TP73: variants seen among roughly 807,000 people sequenced by gnomAD.
TP73 encodes the protein p53-like transcription factor.
Under a neutral mutation model 62.5 loss-of-function variants are expected in TP73, and 25 were observed. The ratio of observed to expected loss-of-function variants is 0.40; its 90% confidence interval spans 0.29 to 0.56. The LOEUF is 0.56. TP73 is among the 20% of genes least tolerant of loss of function. The pLI is 0.46. For missense variants in TP73, 754 were observed against 913.3 expected (o/e 0.83, Z 2.25); for synonymous variants, 423 against 377.5 (o/e 1.12, Z -1.40).
intron 8 of TP73, 126 bp downstream of exon 8, chr1:3,727,896 C>G: frequency 7.3e-7 from 1 of 1,378,330 alleles, no homozygotes; most frequent in East Asian, 2.5e-5. Flanking sequence ...GCCCAGACTC[C>G]TCCCTGACGG....
chr1:3,687,456 T>C lies in TP73; in HGVS notation c.186+4276T>C, dbSNP rs892713862. 2.0e-5 allele frequency among the ~76,000 whole-genome samples: 3 copies of C among 151,566 alleles called. 1 individual carries two copies. The South Asian group carries it at 6.3e-4, about 32-fold the overall frequency. ...TGTGGGTGTGATGGTGGGGCGGGGGTCCTATCCTCACCCGGACCCACCCGA... is the reference window on the plus strand; with the variant it reads ...TGTGGGTGTGATGGTGGGGCGGGGGCCCTATCCTCACCCGGACCCACCCGA... On this transcript the variant is annotated intron_variant, in intron 3 of 13. Transcript: ENST00000378295.
intron 8 of TP73, 141 bp downstream of exon 8, chr1:3,727,911 TGA>T (rs1641809064): frequency 4.5e-6 from 6 of 1,338,760 alleles, no homozygotes; most frequent in Non-Finnish European, 5.9e-6. Flanking sequence ...TGACGGAGCC[TGA>T]GAGCAGCCCC....
At chr1:3,676,055 C>G in intron 1 of TP73, among the ~76,000 whole-genome samples, 1 of 149,012 alleles carries the variant, frequency 6.7e-6, no homozygotes, top group East Asian at 2.0e-4. Flanking sequence ...GGACTGGGGA[C>G]AGGGGACAAG....
intron 3 of TP73, among the ~76,000 whole-genome samples, chr1:3,704,745 G>A (rs1047669818): frequency 1.3e-5 from 2 of 152,152 alleles, no homozygotes; most frequent in Admixed American, 1.3e-4. Context: ...TCTGGGAGCC[G>A]GGGACTCTGG....
At position 3,673,669 on chromosome 1, in the gene TP73, C is replaced by T. The variant is rs78629702; in HGVS notation, c.-33-8664C>T. On this transcript the variant is annotated intron_variant, in intron 1 of 13. Coordinates refer to ENST00000378295, the MANE Select transcript of TP73 (RefSeq NM_005427.4). ...CCCGGCAGTGCTGGGCTTCAGGGCACGAAGCGGTGGGGCAGGAATCATGTG... is the reference window on the plus strand; with the variant it reads ...CCCGGCAGTGCTGGGCTTCAGGGCATGAAGCGGTGGGGCAGGAATCATGTG... Among the ~76,000 whole-genome samples the T allele has an allele frequency of 4.5e-3, 687 of 152,230 alleles. 5 individuals carry two copies. The highest frequency in any genetic ancestry group is 0.016 in the African/African-American group (650 of 41,540).
intron 4 of TP73, among the ~76,000 whole-genome samples, chr1:3,710,221 G>C (rs965980990): frequency 6.6e-6 from 1 of 151,172 alleles, no homozygotes; most frequent in Non-Finnish European, 1.5e-5. Context: ...GGGGGGGCGC[G>C]AACTGGGGAG....
chr1:3,681,771 C>T (rs910780932), intron 1 of TP73, among the ~76,000 whole-genome samples: 1 of 152,106 alleles, frequency 6.6e-6, no homozygotes, highest in Admixed American at 6.5e-5. Context: ...GTGACCGGGA[C>T]CGGAGCCACC....
At chr1:3,713,683 A>C (rs1640350678) in intron 4 of TP73, among the ~76,000 whole-genome samples, 2 of 152,164 alleles carry the variant, frequency 1.3e-5, no homozygotes, top group Non-Finnish European at 2.9e-5. Context: ...CGACCTCCAG[A>C]CCTTCTGTCC....
In TP73 at chr1:3,663,489, G is replaced by A. The variant is rs1645041456; in HGVS notation, c.-34+10848G>A. On this transcript the variant is annotated intron_variant, in intron 1 of 13. Transcript: ENST00000378295. The surrounding 1 kb of genome is among the most constrained non-coding windows in gnomAD (Gnocchi z 4.7). ...CCAGCACTTTGGGAGGCTGAGTCGG[G>A]CGGATCACTAGGTCAGGAGATCGAG... Among the ~76,000 whole-genome samples, 1 of 152,182 alleles carries A rather than the reference G, an allele frequency of 6.6e-6. No individual in the cohort carries two copies. Among genetic ancestry groups the A allele is most frequent in the Non-Finnish European group, 1.5e-5 (1 of 68,032 alleles).
chr1:3,690,838 G>A (rs1047985044), intron 3 of TP73: 54 of 1,548,746 alleles, frequency 3.5e-5, no homozygotes, highest in African/African-American at 1.9e-4. Flanking sequence ...CCCTCGGGCC[G>A]CCCAGATCCA....
At chr1:3,687,792 C>A (rs184799704) in intron 3 of TP73, among the ~76,000 whole-genome samples, 20 of 152,266 alleles carry the variant, frequency 1.3e-4, no homozygotes, top group Non-Finnish European at 2.5e-4. Flanking sequence ...TCTCTGACAA[C>A]AGGTGTTGTG....
chr1:3,715,575 C>T (rs898415558), intron 4 of TP73, among the ~76,000 whole-genome samples: 4 of 152,114 alleles, frequency 2.6e-5, no homozygotes, highest in African/African-American at 9.7e-5. Flanking sequence ...AGGTGAGGGC[C>T]CCGCGCAGGG....
intron 3 of TP73, among the ~76,000 whole-genome samples, chr1:3,685,968 C>T (rs373144266): frequency 5.7e-4 from 87 of 152,342 alleles, no homozygotes; most frequent in African/African-American, 2.0e-3. Context: ...GTCAGACAGG[C>T]GGTTCTAGTG....
intron 4 of TP73, among the ~76,000 whole-genome samples, chr1:3,716,883 G>A (rs900756535): frequency 1.2e-4 from 18 of 152,174 alleles, no homozygotes; most frequent in African/African-American, 4.3e-4. Context: ...AGGGTCCAGG[G>A]CCTTGGCAGA....
At chr1:3,660,817 T>C (rs889995247) in intron 1 of TP73, among the ~76,000 whole-genome samples, 3 of 152,254 alleles carry the variant, frequency 2.0e-5, no homozygotes, top group African/African-American at 7.2e-5. Flanking sequence ...TAACTGTGTA[T>C]GACAGAAAGG....
At chr1:3,726,938 G>C (rs1216635774) in intron 6 of TP73, among the ~76,000 whole-genome samples, 177 bp from the exon 7 acceptor site, 15 of 151,930 alleles carry the variant, frequency 9.9e-5, no homozygotes, top group Admixed American at 9.8e-4. Context: ...TGGATGGATG[G>C]GGTGGGTTGG....
chr1:3,727,779 C>T lies in TP73; in HGVS notation c.985+9C>T, dbSNP rs751293421. On this transcript the variant is annotated intron_variant, in intron 8 of 13. Transcript: ENST00000378295. ...GGCCGCCAGCAAGCGTGGTGAGCGG[C>T]CGGCCAGGGGAACTGGACGCGTGTG... is the stretch of plus-strand genomic sequence containing the variant. 3 of 1,528,220 alleles carry T rather than the reference C, an allele frequency of 2.0e-6. No homozygotes were observed. Among genetic ancestry groups the T allele is most frequent in the Non-Finnish European group, 2.6e-6 (3 of 1,136,296 alleles). 94.7% of individuals were successfully genotyped at this position (1,528,220 alleles called of 1,614,324 possible).
intron 3 of TP73, among the ~76,000 whole-genome samples, chr1:3,695,498 C>T (rs936888801): frequency 6.6e-6 from 1 of 152,222 alleles, no homozygotes; most frequent in Non-Finnish European, 1.5e-5. Context: ...TGGTGGGCAT[C>T]CATGCGTTGC....
chr1:3,730,289 G>A, intron 11 of TP73, 141 bp downstream of exon 11: 1 of 1,045,836 alleles, frequency 9.6e-7, no homozygotes. Context: ...CACCCTCTGG[G>A]CAGGAGGCGC....
Sources: allele counts gnomAD v4.1 joint callset (sites outside exome capture counted in the v4.1 genomes callset), GRCh38; gene constraint gnomAD v4.1.1; non-coding constraint Gnocchi (gnomAD v3.1); transcripts MANE v1.5; gene names NCBI Gene and HGNC (gene_info 2026-07-23, HGNC 2026-07-21).